NLGN4X: variants seen among roughly 807,000 people sequenced by gnomAD.
NLGN4X encodes neuroligin 4 X-linked.
Under a neutral mutation model 40.3 loss-of-function variants are expected in NLGN4X, and 3 were observed. That is an observed-to-expected ratio of 0.07 (90% CI 0.03 to 0.19). The LOEUF (loss-of-function observed/expected upper bound fraction) is 0.19, where lower values mean the gene tolerates loss of function less well. NLGN4X is among the 10% of genes least tolerant of loss of function. The pLI, the probability that NLGN4X is intolerant of heterozygous loss-of-function variation, is 1.00. For synonymous variants in NLGN4X, 270 were observed against 306.8 expected, an observed-to-expected ratio of 0.88 and a Z score of 1.25; for missense variants, 382 against 708.3, an observed-to-expected ratio of 0.54 and a Z score of 5.23.
rs367806530 is a variant in NLGN4X, at chrX:6,019,487, T to C, written c.625+9793A>G. 2.6e-4 allele frequency among the ~76,000 whole-genome samples: 29 copies of C among 111,519 alleles called. No homozygotes were observed. The East Asian group carries it at 7.9e-3, about 30-fold the overall frequency. The stretch of plus-strand genomic sequence containing the variant: ...TCCCGCTCAGATTGCCTTTTAGAGA[T>C]TTTTCCATTATCCTACTCGAAAGGA... On this transcript the variant is annotated intron_variant, in intron 3 of 5. Transcript: ENST00000381095.
intron 3 of NLGN4X, among the ~76,000 whole-genome samples, chrX:5,967,663 T>A (rs1237605890): frequency 8.9e-6 from 1 of 111,760 alleles, no homozygotes; most frequent in Non-Finnish European, 1.9e-5. Flanking sequence ...GTTATTTTTT[T>A]AATTTGCATC....
At chrX:6,132,867 G>A (rs2039711234) in intron 2 of NLGN4X, among the ~76,000 whole-genome samples, 1 of 111,052 alleles carries the variant, frequency 9.0e-6, no homozygotes, top group Non-Finnish European at 1.9e-5. Flanking sequence ...TGAGTGATGA[G>A]GGGATGGTGT....
intron 3 of NLGN4X, among the ~76,000 whole-genome samples, chrX:5,945,802 C>CA (rs2034103327): frequency 9.1e-6 from 1 of 110,423 alleles, no homozygotes; most frequent in South Asian, 3.9e-4. Context: ...GGGAGAGGAT[C>CA]AAAAAAATAA....
chrX:5,924,201 T>G (rs1248901681), intron 3 of NLGN4X, among the ~76,000 whole-genome samples: 1 of 111,555 alleles, frequency 9.0e-6, no homozygotes, highest in East Asian at 2.8e-4. Context: ...CCACAGCAAT[T>G]TGCTGAATAT....
At position 5,945,909 on chromosome X, in the gene NLGN4X, C is replaced by G. The variant is rs145113444; in HGVS notation, c.626-36670G>C. On this transcript the variant is annotated intron_variant, in intron 3 of 5. Transcript: ENST00000381095. ...CTTGCATGATATTCGCCTCTTTGCTCCAAGCTGAGGTTTCACAAGCACATG... is the reference window on the plus strand; with the variant it reads ...CTTGCATGATATTCGCCTCTTTGCTGCAAGCTGAGGTTTCACAAGCACATG... Among the ~76,000 whole-genome samples, 22 of 111,504 alleles carry G rather than the reference C, an allele frequency of 2.0e-4. No homozygotes were observed. The East Asian group carries it at 5.7e-3, about 29-fold the overall frequency.
At chrX:6,081,583 T>G (rs950658572) in intron 2 of NLGN4X, among the ~76,000 whole-genome samples, 2 of 111,971 alleles carry the variant, frequency 1.8e-5, no homozygotes, top group East Asian at 5.6e-4. Flanking sequence ...GGGCTCCATC[T>G]ATAAAGGGGA....
At chrX:5,939,177 G>A (rs1193544180) in intron 3 of NLGN4X, among the ~76,000 whole-genome samples, 1 of 111,327 alleles carries the variant, frequency 9.0e-6, no homozygotes, top group Non-Finnish European at 1.9e-5. Context: ...AGAAAGAGGA[G>A]TACCTCAGCC....
At chrX:6,087,330 C>T in intron 2 of NLGN4X, among the ~76,000 whole-genome samples, 1 of 111,186 alleles carries the variant, frequency 9.0e-6, no homozygotes, top group Non-Finnish European at 1.9e-5. Flanking sequence ...CCCACATGCA[C>T]ACATATGTAC....
chrX:6,049,017 T>C (rs1333795142), intron 2 of NLGN4X, among the ~76,000 whole-genome samples: 2 of 104,488 alleles, frequency 1.9e-5, no homozygotes, highest in African/African-American at 7.0e-5. Flanking sequence ...TAAAATAAAA[T>C]AAAATTTTAA....
intron 3 of NLGN4X, among the ~76,000 whole-genome samples, chrX:5,989,075 T>TA (rs202163877): frequency 2.5e-4 from 22 of 89,590 alleles, no homozygotes; most frequent in Non-Finnish European, 4.8e-4. Context: ...CTCAAAAAAA[T>TA]AAAAAAAATA....
intron 2 of NLGN4X, among the ~76,000 whole-genome samples, chrX:6,042,046 C>T: frequency 8.9e-6 from 1 of 111,939 alleles, no homozygotes; most frequent in Non-Finnish European, 1.9e-5. Context: ...TTTGTCATTT[C>T]AAAAAACAGG....
intron 2 of NLGN4X, among the ~76,000 whole-genome samples, chrX:6,059,370 G>A (rs1189386536): frequency 8.9e-6 from 1 of 112,014 alleles, no homozygotes; most frequent in Non-Finnish European, 1.9e-5. Context: ...CCCTGACAGC[G>A]TCAGCCCACG....
intron 3 of NLGN4X, among the ~76,000 whole-genome samples, chrX:5,944,650 CAAAAAAAAAAAAA>C (rs750871231): frequency 3.9e-5 from 1 of 25,576 alleles, no homozygotes; most frequent in African/African-American, 1.4e-4. Context: ...GACTCTGTCT[CAAAAAAAAAAAAA>C]AAAAAAAAAA....
At chrX:6,017,432 T>C (rs2036421909) in intron 3 of NLGN4X, among the ~76,000 whole-genome samples, 1 of 111,502 alleles carries the variant, frequency 9.0e-6, no homozygotes, top group Non-Finnish European at 1.9e-5. Flanking sequence ...GAAGGAAAAA[T>C]TAAACAGCAA....
chrX:5,994,782 C>T (rs138520949), intron 3 of NLGN4X, among the ~76,000 whole-genome samples: 1,801 of 111,814 alleles, frequency 0.016, 32 homozygotes, highest in African/African-American at 0.056. Context: ...TGCAGAAGTT[C>T]GGCAGAAGGA....
At chrX:6,009,066 A>AGTGTGT (rs80266407) in intron 3 of NLGN4X, among the ~76,000 whole-genome samples, 29 of 108,101 alleles carry the variant, frequency 2.7e-4, no homozygotes, top group African/African-American at 6.4e-4. Context: ...CCATTTCAGC[A>AGTGTGT]GTGTGTGTGT....
intron 2 of NLGN4X, among the ~76,000 whole-genome samples, chrX:6,133,364 C>T (rs1300615509): frequency 8.9e-6 from 1 of 111,793 alleles, no homozygotes; most frequent in African/African-American, 3.2e-5. Context: ...GCTAATAATT[C>T]CTTGTTGCAC....
chrX:6,120,855 TA>T (rs1410328730), intron 2 of NLGN4X, among the ~76,000 whole-genome samples: 1 of 111,521 alleles, frequency 9.0e-6, no homozygotes, highest in Admixed American at 9.6e-5. Context: ...TGAACAAGAA[TA>T]AAAAATCCAC....
chrX:6,022,288 T>C (rs780638325), intron 3 of NLGN4X, among the ~76,000 whole-genome samples: 2 of 111,814 alleles, frequency 1.8e-5, no homozygotes, highest in South Asian at 7.5e-4. Flanking sequence ...TCAAGGTGTG[T>C]TGATTCTCGA....
Sources: allele counts gnomAD v4.1 joint callset (sites outside exome capture counted in the v4.1 genomes callset), GRCh38; gene constraint gnomAD v4.1.1; transcripts MANE v1.5; gene names NCBI Gene and HGNC (gene_info 2026-07-23, HGNC 2026-07-21).